Variants in FOXN3 observed in about 807,000 individuals in gnomAD.
The protein encoded by FOXN3 is forkhead box N3.
In FOXN3, 7 loss-of-function variants were observed where a neutral mutation model predicts 38.4. The observed-to-expected ratio is 0.18, with a 90% confidence interval of 0.10 to 0.34. The LOEUF (loss-of-function observed/expected upper bound fraction) is 0.34, where lower values mean the gene tolerates loss of function less well. Ranked by LOEUF, FOXN3 falls within the 10% of genes least tolerant of loss-of-function variation. The pLI, the probability that FOXN3 is intolerant of heterozygous loss-of-function variation, is 1.00. For synonymous variants in FOXN3, 230 were observed against 242.2 expected (o/e 0.95, Z 0.47); for missense variants, 456 against 613.4 (o/e 0.74, Z 2.71).
Position 89,221,828 on chromosome 14 carries a change from T to TA in FOXN3, c.746-41023_746-41022insT, listed in dbSNP as rs1396633366. Among the ~76,000 whole-genome samples, 6 of 148,022 alleles carry TA rather than the reference T, an allele frequency of 4.1e-5. 1 individual carries two copies. The highest frequency in any genetic ancestry group is 1.2e-4 in the African/African-American group (5 of 40,948). The stretch of plus-strand genomic sequence containing the variant: ...ACCAACTTCCCTGTCTATATAATCT[T>TA]TTTTTTTTTTTTGAGATGGAGTCTT... On this transcript the variant is annotated intron_variant, in intron 4 of 5. Transcript: ENST00000557258.
chr14:89,245,497 G>T (rs956489588), intron 4 of FOXN3, among the ~76,000 whole-genome samples: 46 of 151,948 alleles, frequency 3.0e-4, no homozygotes, highest in African/African-American at 1.1e-3. Context: ...AAGAAATGGG[G>T]GCTTGGTTTC....
rs575251575 is a variant in FOXN3 at position 89,377,154 on chromosome 14, A to G, written c.544-26346T>C. 6.0e-5 allele frequency among the ~76,000 whole-genome samples: 9 copies of G among 151,240 alleles called. No individual in the cohort carries two copies. The East Asian group carries it at 1.8e-3, about 29-fold the overall frequency. On this transcript the variant is annotated intron_variant, in intron 2 of 5. Transcript: ENST00000557258. ...AATCCATCAAATTCAGGATGTGGGC[A>G]TTCCACAAAACAACTGGCCTTGACT...
At chr14:89,291,174 G>C (rs1191924705) in intron 3 of FOXN3, 1 of 478,286 alleles carries the variant, frequency 2.1e-6, no homozygotes, top group Non-Finnish European at 4.2e-6. Context: ...GGGGGGCACA[G>C]TTATGCAGCC....
chr14:89,367,337 G>C (rs904785954), intron 2 of FOXN3, among the ~76,000 whole-genome samples: 1 of 152,206 alleles, frequency 6.6e-6, no homozygotes, highest in Non-Finnish European at 1.5e-5. Context: ...TTTCAACAAA[G>C]GGTGTCTAAC....
chr14:89,298,296 G>T (rs555764959), intron 3 of FOXN3, among the ~76,000 whole-genome samples: 14 of 152,178 alleles, frequency 9.2e-5, no homozygotes, highest in African/African-American at 3.1e-4. Flanking sequence ...GGAACGGGGG[G>T]AGTGGTTGTT....
At chr14:89,251,586 C>T (rs1191195651) in intron 4 of FOXN3, among the ~76,000 whole-genome samples, 1 of 152,198 alleles carries the variant, frequency 6.6e-6, no homozygotes, top group Non-Finnish European at 1.5e-5. Context: ...AGTTACTTTA[C>T]TGGCATAGGA....
At chr14:89,292,571 G>C (rs2139935654) in intron 3 of FOXN3, among the ~76,000 whole-genome samples, 1 of 152,320 alleles carries the variant, frequency 6.6e-6, no homozygotes, top group Non-Finnish European at 1.5e-5. Context: ...ATATAAAGGG[G>C]CTTAAAGGAG....
chr14:89,195,781 C>A (rs541516033), intron 4 of FOXN3, among the ~76,000 whole-genome samples: 1 of 152,240 alleles, frequency 6.6e-6, no homozygotes, highest in South Asian at 2.1e-4. Flanking sequence ...CAGGGGGGTA[C>A]GAGAGAACAA....
chr14:89,514,716 C>T (rs1566682671), intron 1 of FOXN3, among the ~76,000 whole-genome samples: 1 of 152,216 alleles, frequency 6.6e-6, no homozygotes, highest in Non-Finnish European at 1.5e-5. Flanking sequence ...TCAGCCTGTG[C>T]TTTCGAGGAA....
intron 2 of FOXN3, among the ~76,000 whole-genome samples, chr14:89,402,087 C>T (rs908138691): frequency 2.6e-5 from 4 of 152,192 alleles, no homozygotes; most frequent in South Asian, 2.1e-4. Context: ...ACTAAAAGAA[C>T]GACTTCACAC....
intron 4 of FOXN3, among the ~76,000 whole-genome samples, chr14:89,261,241 T>C (rs1243915061): frequency 6.6e-6 from 1 of 152,220 alleles, no homozygotes; most frequent in African/African-American, 2.4e-5. Context: ...ATTCCCTGTA[T>C]GGCAGGCATG....
chr14:89,564,570 G>A (rs1050951276), intron 1 of FOXN3, among the ~76,000 whole-genome samples: 3 of 152,170 alleles, frequency 2.0e-5, no homozygotes, highest in Admixed American at 1.3e-4. Context: ...GTTGAAGGTG[G>A]TAATGATTCA....
intron 4 of FOXN3, among the ~76,000 whole-genome samples, chr14:89,197,542 T>C (rs2139815456): frequency 6.6e-6 from 1 of 150,624 alleles, no homozygotes; most frequent in East Asian, 1.9e-4. Flanking sequence ...GTCAGATACA[T>C]ACACTAGGGT....
intron 4 of FOXN3, among the ~76,000 whole-genome samples, chr14:89,243,380 A>G (rs1488409533): frequency 6.6e-6 from 1 of 152,210 alleles, no homozygotes; most frequent in African/African-American, 2.4e-5. Context: ...TTAAAGAGCT[A>G]ATTCTTCATT....
intron 1 of FOXN3, among the ~76,000 whole-genome samples, chr14:89,470,795 G>A (rs910849513): frequency 3.3e-5 from 5 of 152,086 alleles, no homozygotes; most frequent in African/African-American, 4.8e-5. Flanking sequence ...GCCTCGGAGC[G>A]GCCCAGTAGA....
At chr14:89,569,071 G>A (rs917664497) in intron 1 of FOXN3, among the ~76,000 whole-genome samples, 2 of 152,086 alleles carry the variant, frequency 1.3e-5, no homozygotes, top group Non-Finnish European at 2.9e-5. Context: ...CGGGCGTGGT[G>A]GCGGGTGCCT....
intron 2 of FOXN3, among the ~76,000 whole-genome samples, chr14:89,359,190 G>T (rs936904941): frequency 1.3e-5 from 2 of 152,020 alleles, no homozygotes; most frequent in African/African-American, 4.8e-5. Context: ...CAGCTACTTG[G>T]GAGGCTGAGG....
intron 1 of FOXN3, among the ~76,000 whole-genome samples, chr14:89,559,031 T>C (rs1404387048): frequency 6.6e-6 from 1 of 152,004 alleles, no homozygotes; most frequent in African/African-American, 2.4e-5. Context: ...GTCATAGGAA[T>C]GTTTTTGTTT....
In FOXN3 at chr14:89,333,761, A is replaced by T. The variant is rs1368701676; in HGVS notation, c.680+16911T>A. ...ACAGAGAGACTATTAAAAAAAAAAA[A>T]AAAAAAAAAAAAAAACAGAACCCCC... On this transcript the variant is annotated intron_variant, in intron 3 of 5. Transcript: ENST00000557258. 5.4e-5 allele frequency among the ~76,000 whole-genome samples: 8 copies of T among 149,080 alleles called. No individual in the cohort carries two copies. The East Asian group carries it at 9.8e-4, about 18-fold the overall frequency.
Sources: gnomAD v4.1 joint callset for allele counts (sites outside exome capture counted in the v4.1 genomes callset) on GRCh38, gnomAD v4.1.1 for gene constraint, MANE v1.5 for transcripts, NCBI Gene and HGNC (gene_info 2026-07-23, HGNC 2026-07-21) for gene names.